HDAC7: variants seen among roughly 807,000 people sequenced by gnomAD.
The protein encoded by HDAC7 is histone deacetylase 7A.
Under a neutral mutation model 115.5 loss-of-function variants are expected in HDAC7, and 26 were observed. The observed-to-expected ratio is 0.23, with a 90% CI of 0.16 to 0.31. The LOEUF is 0.31. Ranked by LOEUF, HDAC7 falls within the 10% of genes least tolerant of loss-of-function variation. HDAC7 has a pLI of 1.00. For missense variants in HDAC7, 1,068 were observed against 1,329.0 expected, an observed-to-expected ratio of 0.80 and a Z score of 3.05; for synonymous variants, 564 against 550.9, an observed-to-expected ratio of 1.02 and a Z score of -0.33.
intron 23 of HDAC7, 70 bp from the exon 24 acceptor site, chr12:47,785,541 G>A (rs763361522): frequency 6.7e-6 from 10 of 1,489,716 alleles, no homozygotes; most frequent in Non-Finnish European, 9.2e-6. Flanking sequence ...CCACCCCAGG[G>A]GCCCCAGCCT....
rs750846014 is a variant in HDAC7, at chr12:47,792,011, G to T, written c.1679-7C>A. 6.2e-7 allele frequency: 1 copy of T among 1,601,504 alleles called. No homozygotes were observed. The highest frequency in any genetic ancestry group is 2.2e-5 in the East Asian group (1 of 44,538). ...ACCGAGTCATAGATCAGCCCTGCAG[G>T]AGCAAGGGTCAGAGCGGGGACCCAG... On this transcript the variant is annotated splice_polypyrimidine_tract_variant and splice_region_variant and intron_variant, in intron 13 of 25. Transcript: ENST00000080059.
intron 1 of HDAC7, among the ~76,000 whole-genome samples, chr12:47,804,484 C>G (rs1944306708): frequency 6.6e-6 from 1 of 151,058 alleles, no homozygotes; most frequent in Non-Finnish European, 1.5e-5. Flanking sequence ...CCATCACTGC[C>G]TCTCTCCGAG....
intron 1 of HDAC7, among the ~76,000 whole-genome samples, chr12:47,804,291 C>A (rs1337543262): frequency 6.6e-6 from 1 of 152,128 alleles, no homozygotes; most frequent in Non-Finnish European, 1.5e-5. Context: ...GCTCCCTGGC[C>A]CCGTGCTGAG....
At chr12:47,813,428 G>A (rs1159251585) in intron 1 of HDAC7, 2 of 152,528 alleles carry the variant, frequency 1.3e-5, no homozygotes, top group Non-Finnish European at 2.9e-5. Flanking sequence ...GGGGTAGAGG[G>A]GAATGGGACT....
chr12:47,806,854 G>A (rs1338012916), intron 1 of HDAC7, among the ~76,000 whole-genome samples: 4 of 151,642 alleles, frequency 2.6e-5, no homozygotes, highest in East Asian at 3.9e-4. Flanking sequence ...TGGCATTAGC[G>A]TTTCAGTGTC....
Position 47,783,594 on chromosome 12 carries a change from T to C in HDAC7, c.*247A>G, listed in dbSNP as rs929162595. 3.7e-6 allele frequency: 2 copies of C among 544,346 alleles called. No individual in the cohort carries two copies. Among genetic ancestry groups the C allele is most frequent in the African/African-American group, 1.9e-5 (1 of 52,656 alleles). 33.7% of individuals were successfully genotyped at this position (544,346 alleles called of 1,614,324 possible). A position where few individuals can be genotyped will look rare whatever the true frequency, so the allele number is the denominator to read the frequency against. ...AGGGCCCATACTGGAGGGGAGAATC[T>C]GTTCTCGAGAGCCCTGTGGGGGTCG... On this transcript the variant is annotated 3_prime_UTR_variant, in exon 26 of 26. Coordinates refer to ENST00000080059, the MANE Select transcript of HDAC7 (RefSeq NM_015401.5).
chr12:47,796,492 C>T (rs147107195), intron 7 of HDAC7, among the ~76,000 whole-genome samples, 194 bp from the exon 8 acceptor site: 2,893 of 150,518 alleles, frequency 0.019, 54 homozygotes, highest in African/African-American at 0.04. Flanking sequence ...GGCACGATCC[C>T]GGCTCACTGC....
intron 17 of HDAC7, 70 bp downstream of exon 17, chr12:47,789,743 C>A: frequency 7.2e-7 from 1 of 1,391,268 alleles, no homozygotes; most frequent in East Asian, 2.3e-5. Context: ...GGGTTCTGGG[C>A]CTGGATTCCC....
At chr12:47,788,965 G>A (rs1259266437) in intron 19 of HDAC7, 2 of 398,668 alleles carry the variant, frequency 5.0e-6, no homozygotes, top group Non-Finnish European at 9.1e-6. Flanking sequence ...TACAGGAAAT[G>A]CAGAAATTAC....
At chr12:47,789,754 C>T (rs1288705388) in intron 17 of HDAC7, 59 bp downstream of exon 17, 3 of 1,436,292 alleles carry the variant, frequency 2.1e-6, no homozygotes, top group African/African-American at 2.8e-5. Flanking sequence ...CTGGATTCCC[C>T]ACTACCCCAC....
rs767790478 is a variant in HDAC7 at position 47,795,731 on chromosome 12, G to A, written c.943C>T (p.Pro315Ser). Residue 315 changes from proline (P) to serine (S), a missense_variant, in exon 10 of 26, where the codon CCT becomes TCT. Transcript: ENST00000080059. The surrounding 1 kb of genome is among the most constrained non-coding windows in gnomAD (Gnocchi z 4.3). ...GGGCTCCCCAGGATTGGCCCCCGAG[G>A]GCCCAGAGTCGGATGGGTCCTGCGG... is the stretch of plus-strand genomic sequence containing the variant. ...SDRRTHPTLG[P>S]RGPILGSPHT... 25 of 1,545,112 alleles carry A rather than the reference G, an allele frequency of 1.6e-5. No homozygotes were observed. The South Asian group carries it at 2.5e-4, about 16-fold the overall frequency.
rs1290355724 is a variant in HDAC7 at position 47,789,280 on chromosome 12, T to C, written c.2216A>G (p.Lys739Arg). Residue 739 changes from lysine (K) to arginine (R), a missense_variant, in exon 19 of 26, where the codon AAG becomes AGG. By Grantham distance (26) the Lys-to-Arg change is conservative (BLOSUM62 2). Coordinates refer to ENST00000080059, the MANE Select transcript of HDAC7 (RefSeq NM_015401.5). ...RQLQQQSKASKILIVDWDVHH... is the reference protein window; with the variant it reads ...RQLQQQSKASRILIVDWDVHH... ...ACCTACCCAGTCTACAATGAGGATC[T>C]TGCTGGCCTTGCTCTGCTGTTGCAG... 2 of 1,613,930 alleles carry C rather than the reference T, an allele frequency of 1.2e-6. No individual in the cohort carries two copies. Among genetic ancestry groups the C allele is most frequent in the East Asian group, 2.2e-5 (1 of 44,898 alleles).
rs776994533 is a variant in HDAC7, at chr12:47,788,178, C to T, written c.2236-14G>A. On this transcript the variant is annotated splice_polypyrimidine_tract_variant and intron_variant, in intron 19 of 25. Transcript: ENST00000080059. ...ATGGTGCACGTCCTGTGTAGGGAGACGGGCAGCGATTAGGGAAGGCAGAGA... is the reference window on the plus strand; with the variant it reads ...ATGGTGCACGTCCTGTGTAGGGAGATGGGCAGCGATTAGGGAAGGCAGAGA... 14 of 1,590,650 alleles carry T rather than the reference C, an allele frequency of 8.8e-6. No individual in the cohort carries two copies. In the South Asian group the frequency reaches 1.0e-4, roughly 12 times the overall value.
chr12:47,801,872 C>T (rs1014088071), intron 2 of HDAC7, among the ~76,000 whole-genome samples: 2 of 151,676 alleles, frequency 1.3e-5, no homozygotes, highest in African/African-American at 4.9e-5. Flanking sequence ...GTGTGAGGAC[C>T]GAGTCCACAC....
At chr12:47,792,175 A>T (rs1351812729) in intron 13 of HDAC7, 171 bp from the exon 14 acceptor site, 3 of 699,912 alleles carry the variant, frequency 4.3e-6, no homozygotes, top group African/African-American at 1.8e-5. Context: ...CCCCAGCCCC[A>T]GCCCCTCACA....
chr12:47,791,055 C>T (rs1943469831), intron 16 of HDAC7: 2 of 617,268 alleles, frequency 3.2e-6, no homozygotes, highest in Non-Finnish European at 5.8e-6. Context: ...CTGGACTCCG[C>T]ATTCGGGGGA....
chr12:47,784,765 C>A (rs1943070449), intron 24 of HDAC7: 2 of 1,535,556 alleles, frequency 1.3e-6, no homozygotes, highest in East Asian at 2.4e-5. Flanking sequence ...CTGTGAGGAA[C>A]CATGTCCTGG....
At chr12:47,784,437 G>T in intron 24 of HDAC7, 1 of 609,892 alleles carries the variant, frequency 1.6e-6, no homozygotes, top group Non-Finnish European at 2.9e-6. Flanking sequence ...ATGGCTGTGA[G>T]GGAGTCCTAG....
chr12:47,787,743 T>G lies in HDAC7; in HGVS notation c.2422A>C (p.Met808Leu), dbSNP rs746865827. 19 of 1,611,636 alleles carry G rather than the reference T, an allele frequency of 1.2e-5. No homozygotes were observed. The highest frequency in any genetic ancestry group is 1.3e-5 in the Non-Finnish European group (15 of 1,179,114). ...GCAGCCAGGTACTCAGGATCCCCCATGGGGGGGTCCAGACCTCCAGCCCAG... is the reference window on the plus strand; with the variant it reads ...GCAGCCAGGTACTCAGGATCCCCCAGGGGGGGGTCCAGACCTCCAGCCCAG... ...VAWAGGLDPP[M>L]GDPEYLAAFR... The change falls in exon 21 of 26, where the codon ATG becomes CTG. Residue 808 changes from methionine to leucine, a missense_variant. By Grantham distance (15) the Met-to-Leu change is conservative. Coordinates refer to ENST00000080059, the MANE Select transcript of HDAC7 (RefSeq NM_015401.5).
Sources: gnomAD v4.1 joint callset for allele counts (sites outside exome capture counted in the v4.1 genomes callset) on GRCh38, gnomAD v4.1.1 for gene constraint, Gnocchi (gnomAD v3.1) non-coding constraint, MANE v1.5 for transcripts, NCBI Gene and HGNC (gene_info 2026-07-23, HGNC 2026-07-21) for gene names.